PLCB1: variants seen among roughly 807,000 people sequenced by gnomAD.
PLCB1 encodes the protein 1-phosphatidylinositol 4,5-bisphosphate phosphodiesterase beta-1.
In PLCB1, 46 loss-of-function variants were observed where a neutral mutation model predicts 161.8. That is an observed-to-expected ratio of 0.28 (90% CI 0.22 to 0.36). The LOEUF (loss-of-function observed/expected upper bound fraction) is 0.36, where lower values mean the gene tolerates loss of function less well. PLCB1 is among the 10% of genes least tolerant of loss of function. PLCB1 has a pLI of 1.00. For missense variants in PLCB1, 1,016 were observed against 1,472.5 expected, an observed-to-expected ratio of 0.69 and a Z score of 5.07; for synonymous variants, 517 against 503.7, an observed-to-expected ratio of 1.03 and a Z score of -0.35.
chr20:8,648,963 G>GA (rs780569823), intron 6 of PLCB1, among the ~76,000 whole-genome samples: 1 of 145,568 alleles, frequency 6.9e-6, no homozygotes, highest in South Asian at 2.2e-4. Flanking sequence ...AAGAAAGAAA[G>GA]AAAGAAAAGA....
At position 8,347,589 on chromosome 20, in the gene PLCB1, T is replaced by C. The variant is rs117223054; in HGVS notation, c.178-23793T>C. On this transcript the variant is annotated intron_variant, in intron 2 of 31. Transcript: ENST00000338037. ...AACCTATGTAAGTAATTGATAGATATACTTAATTTATTTGCTGATAAGTTG... is the reference window on the plus strand; with the variant it reads ...AACCTATGTAAGTAATTGATAGATACACTTAATTTATTTGCTGATAAGTTG... Among the ~76,000 whole-genome samples, 24 of 152,344 alleles carry C rather than the reference T, an allele frequency of 1.6e-4. No individual in the cohort carries two copies. The East Asian group carries it at 2.7e-3, about 17-fold the overall frequency.
At chr20:8,614,771 C>A (rs111491529) in intron 3 of PLCB1, among the ~76,000 whole-genome samples, 1,919 of 152,168 alleles carry the variant, frequency 0.013, 28 homozygotes, top group African/African-American at 0.039. Flanking sequence ...CCATGTGTAT[C>A]TAGTGGCTAC....
intron 14 of PLCB1, 39 bp from the exon 15 acceptor site, chr20:8,722,315 G>T (rs1979687171): frequency 1.3e-6 from 2 of 1,481,540 alleles, no homozygotes; most frequent in South Asian, 2.3e-5. Context: ...GCTAAATGTT[G>T]AAATGGTGAC....
rs758896360 is a variant in PLCB1 at position 8,371,566 on chromosome 20, A to C, written c.246+116A>C. 131 of 656,308 alleles carry C rather than the reference A, an allele frequency of 2.0e-4. 1 individual carries two copies. The highest frequency in any genetic ancestry group is 3.1e-4 in the Non-Finnish European group (116 of 373,698). 40.7% of individuals were successfully genotyped at this position (656,308 alleles called of 1,614,324 possible). On this transcript the variant is annotated intron_variant, in intron 3 of 31. Transcript: ENST00000338037. Reference sequence around the variant, plus strand: ...CTATGTTATAGATGTTGTAAAACACAATAGCCAGTATGCCCTAAACACTTT... The same window carrying C: ...CTATGTTATAGATGTTGTAAAACACCATAGCCAGTATGCCCTAAACACTTT...
intron 3 of PLCB1, among the ~76,000 whole-genome samples, chr20:8,402,160 T>C (rs1978582961): frequency 6.6e-6 from 1 of 152,196 alleles, no homozygotes; most frequent in African/African-American, 2.4e-5. Flanking sequence ...TCAAGTTTTA[T>C]TTACATTTAT....
intron 2 of PLCB1, among the ~76,000 whole-genome samples, chr20:8,267,370 CA>C: frequency 6.6e-6 from 1 of 152,258 alleles, no homozygotes; most frequent in South Asian, 2.1e-4. Context: ...TGACACAGTG[CA>C]AACATCCCAA....
chr20:8,364,564 T>C (rs1466852861), intron 2 of PLCB1, among the ~76,000 whole-genome samples: 4 of 152,256 alleles, frequency 2.6e-5, no homozygotes, highest in Non-Finnish European at 5.9e-5. Context: ...TTGTATTTTA[T>C]GTACTGTGTT....
intron 31 of PLCB1, among the ~76,000 whole-genome samples, chr20:8,812,758 A>G (rs1984891606): frequency 6.6e-6 from 1 of 152,204 alleles, no homozygotes. Context: ...ACAAGCTTCA[A>G]CTTTACCCAA....
At chr20:8,254,628 C>G (rs1981318263) in intron 2 of PLCB1, among the ~76,000 whole-genome samples, 1 of 151,918 alleles carries the variant, frequency 6.6e-6, no homozygotes, top group Admixed American at 6.6e-5. Context: ...CAATCTTTGG[C>G]TTTGTAACTT....
intron 3 of PLCB1, among the ~76,000 whole-genome samples, chr20:8,520,884 C>T (rs1007885760): frequency 3.9e-5 from 6 of 152,134 alleles, no homozygotes; most frequent in African/African-American, 1.4e-4. Flanking sequence ...TATATAAACA[C>T]TGTGGGAAGT....
At chr20:8,339,319 A>T (rs1022793710) in intron 2 of PLCB1, among the ~76,000 whole-genome samples, 4 of 152,112 alleles carry the variant, frequency 2.6e-5, no homozygotes, top group Non-Finnish European at 5.9e-5. Flanking sequence ...CTTGCTCCTC[A>T]TGTGGGCACT....
chr20:8,407,436 C>T (rs956069720), intron 3 of PLCB1, among the ~76,000 whole-genome samples: 2 of 152,286 alleles, frequency 1.3e-5, no homozygotes, highest in Non-Finnish European at 2.9e-5. Context: ...TTTAATTGGA[C>T]TTACAGTTCT....
chr20:8,591,804 G>A (rs2123110679), intron 3 of PLCB1, among the ~76,000 whole-genome samples: 1 of 152,208 alleles, frequency 6.6e-6, no homozygotes, highest in Middle Eastern at 3.4e-3. Flanking sequence ...TATTTTGGGG[G>A]GTGACTGAGA....
At chr20:8,876,339 C>T (rs1242217580) in intron 31 of PLCB1, among the ~76,000 whole-genome samples, 4 of 152,138 alleles carry the variant, frequency 2.6e-5, no homozygotes, top group Non-Finnish European at 5.9e-5. Flanking sequence ...TAAACAAACT[C>T]AAGTTTGACA....
In PLCB1 at chr20:8,873,328, T is replaced by C. The variant is rs115566758; in HGVS notation, c.3424-8294T>C. Among the ~76,000 whole-genome samples the C allele has an allele frequency of 1.5e-3, 228 of 152,320 alleles. 1 individual carries two copies. Among genetic ancestry groups the C allele is most frequent in the African/African-American group, 5.2e-3 (217 of 41,580 alleles). On this transcript the variant is annotated intron_variant, in intron 31 of 31. Coordinates refer to ENST00000338037, the MANE Select transcript of PLCB1 (RefSeq NM_015192.4). ...ATTTTGAAACCATTCATTCTATGAA[T>C]GTATGATTTTAATGCATTTCCCATT...
intron 2 of PLCB1, among the ~76,000 whole-genome samples, chr20:8,215,653 G>T (rs75829030): frequency 6.6e-6 from 1 of 151,944 alleles, no homozygotes; most frequent in Non-Finnish European, 1.5e-5. Context: ...GTTTTTGTAC[G>T]TCTTGACAAA....
intron 2 of PLCB1, among the ~76,000 whole-genome samples, chr20:8,366,049 C>T (rs991777186): frequency 5.9e-5 from 9 of 152,214 alleles, no homozygotes; most frequent in African/African-American, 2.2e-4. Flanking sequence ...AGTAAACAAC[C>T]AAGACAATTC....
chr20:8,360,161 T>C (rs1986490105), intron 2 of PLCB1, among the ~76,000 whole-genome samples: 1 of 152,220 alleles, frequency 6.6e-6, no homozygotes, highest in Admixed American at 6.5e-5. Flanking sequence ...TTGCTTCTCC[T>C]GCATCTGTCA....
At chr20:8,557,234 G>A (rs563014777) in intron 3 of PLCB1, among the ~76,000 whole-genome samples, 80 of 151,930 alleles carry the variant, frequency 5.3e-4, no homozygotes, top group Admixed American at 3.9e-4. Context: ...ACTGAAACAG[G>A]CATTTGTACA....
Sources: allele counts gnomAD v4.1 joint callset (sites outside exome capture counted in the v4.1 genomes callset), GRCh38; gene constraint gnomAD v4.1.1; transcripts MANE v1.5; gene names NCBI Gene and HGNC (gene_info 2026-07-23, HGNC 2026-07-21).